The following GALNT18 variants were observed in gnomAD, a reference collection of about 807,000 sequenced individuals.
GALNT18 encodes polypeptide N-acetylgalactosaminyltransferase 18.
GALNT18 carries 44 observed loss-of-function variants against 69.5 expected under a neutral mutation model. The ratio of observed to expected loss-of-function variants is 0.63; its 90% CI spans 0.50 to 0.81. The LOEUF (loss-of-function observed/expected upper bound fraction) is 0.81, where lower values mean the gene tolerates loss of function less well. Among genes scored for constraint, GALNT18 ranks in the 40% least tolerant of loss-of-function variants. The pLI, the probability that GALNT18 is intolerant of heterozygous loss-of-function variation, is 0.00. For missense variants in GALNT18, 715 were observed against 810.0 expected (o/e 0.88, Z 1.42); for synonymous variants, 364 against 318.2 (o/e 1.14, Z -1.53).
chr11:11,450,134 G>C (rs937558150), intron 1 of GALNT18, among the ~76,000 whole-genome samples: 1 of 152,228 alleles, frequency 6.6e-6, no homozygotes, highest in African/African-American at 2.4e-5. Context: ...AGGGAAGTAA[G>C]AGATGGAGCC....
chr11:11,596,934 G>A lies in GALNT18; in HGVS notation c.235+24425C>T, dbSNP rs137923562. 6.6e-6 allele frequency among the ~76,000 whole-genome samples: 1 copy of A among 152,094 alleles called. No homozygotes were observed. The highest frequency in any genetic ancestry group is 1.5e-5 in the Non-Finnish European group (1 of 67,942). Reference sequence around the variant, plus strand: ...ACCATTAAGTATGATGTTAGTTGTGGGATTTTTTGTAGATGTTCTTCATCA... The same window carrying A: ...ACCATTAAGTATGATGTTAGTTGTGAGATTTTTTGTAGATGTTCTTCATCA... On this transcript the variant is annotated intron_variant, in intron 1 of 10. Coordinates refer to ENST00000227756, the MANE Select transcript of GALNT18 (RefSeq NM_198516.3). The surrounding 1 kb of genome is among the most constrained non-coding windows in gnomAD (Gnocchi z 4.2).
chr11:11,597,322 G>C (rs1859523517), intron 1 of GALNT18, among the ~76,000 whole-genome samples: 1 of 152,226 alleles, frequency 6.6e-6, no homozygotes, highest in African/African-American at 2.4e-5. Flanking sequence ...GTTGACAAGT[G>C]TTCCTTTTCT....
chr11:11,306,920 C>T (rs1849587187), intron 9 of GALNT18, among the ~76,000 whole-genome samples: 1 of 152,234 alleles, frequency 6.6e-6, no homozygotes, highest in East Asian at 1.9e-4. Flanking sequence ...ACCTGATGGG[C>T]ACTCGTGCAT....
intron 3 of GALNT18, among the ~76,000 whole-genome samples, chr11:11,384,072 G>T (rs1481282889): frequency 6.6e-6 from 1 of 151,966 alleles, no homozygotes; most frequent in East Asian, 1.9e-4. Flanking sequence ...TCTTTGGCAT[G>T]ACTTGATCAT....
chr11:11,475,718 G>T (rs2133860798), intron 1 of GALNT18: 1 of 152,298 alleles, frequency 6.6e-6, no homozygotes, highest in Admixed American at 6.5e-5. Flanking sequence ...TATTCGTTTT[G>T]TTTTCAGAAG....
Position 11,439,810 on chromosome 11 carries a change from G to A in GALNT18, c.429-7023C>T, listed in dbSNP as rs964407412. Among the ~76,000 whole-genome samples, 2 of 152,198 alleles carry A rather than the reference G, an allele frequency of 1.3e-5. No homozygotes were observed. The highest frequency in any genetic ancestry group is 2.9e-5 in the Non-Finnish European group (2 of 68,042). ...GACCTGATGGGAATGGAATCACTGA[G>A]TTGTACATTTACTCCCTGCCTGACT... On this transcript the variant is annotated intron_variant, in intron 2 of 10. Coordinates refer to ENST00000227756, the MANE Select transcript of GALNT18 (RefSeq NM_198516.3). The surrounding 1 kb of genome is among the most constrained non-coding windows in gnomAD (Gnocchi z 4.4).
chr11:11,313,133 G>T (rs1370677307), intron 9 of GALNT18, among the ~76,000 whole-genome samples: 10 of 152,148 alleles, frequency 6.6e-5, no homozygotes, highest in Non-Finnish European at 1.5e-4. Flanking sequence ...GGGAAGTGGG[G>T]GGCTTTGGCT....
At chr11:11,310,639 A>T (rs1216918580) in intron 9 of GALNT18, among the ~76,000 whole-genome samples, 5 of 152,154 alleles carry the variant, frequency 3.3e-5, no homozygotes, top group East Asian at 1.9e-4. Context: ...CAAGAAAAAA[A>T]CTAAAGCTGT....
chr11:11,288,473 A>C (rs1354779686), intron 10 of GALNT18, among the ~76,000 whole-genome samples: 1 of 152,128 alleles, frequency 6.6e-6, no homozygotes, highest in East Asian at 1.9e-4. Context: ...AGAACACAGC[A>C]CACCCCTCGG....
At chr11:11,369,359 C>G (rs1234806261) in intron 6 of GALNT18, among the ~76,000 whole-genome samples, 1 of 152,192 alleles carries the variant, frequency 6.6e-6, no homozygotes, top group Non-Finnish European at 1.5e-5. Context: ...TCGATAGCCC[C>G]AGGTGTTCCT....
chr11:11,610,669 A>G (rs181270125), intron 1 of GALNT18, among the ~76,000 whole-genome samples: 3 of 152,344 alleles, frequency 2.0e-5, no homozygotes, highest in Non-Finnish European at 4.4e-5. Context: ...CGAGTTGGAC[A>G]TTCTATGTCA....
At chr11:11,310,599 T>C (rs1415321715) in intron 9 of GALNT18, among the ~76,000 whole-genome samples, 2 of 152,156 alleles carry the variant, frequency 1.3e-5, no homozygotes, top group East Asian at 3.9e-4. Flanking sequence ...CTCCCATACG[T>C]GTTTCTGCAT....
At chr11:11,537,213 C>T (rs1283263560) in intron 1 of GALNT18, among the ~76,000 whole-genome samples, 1 of 113,448 alleles carries the variant, frequency 8.8e-6, no homozygotes, top group Non-Finnish European at 1.8e-5. Context: ...TAAAGTCACA[C>T]AGTTAATCGG....
Position 11,586,162 on chromosome 11 carries a change from C to T in GALNT18, c.235+35197G>A, listed in dbSNP as rs1859219486. On this transcript the variant is annotated intron_variant, in intron 1 of 10. Coordinates refer to ENST00000227756, the MANE Select transcript of GALNT18 (RefSeq NM_198516.3). This position sits in a 1 kb window ranked among gnomAD's most constrained non-coding sequence, Gnocchi z 4.1. The stretch of plus-strand genomic sequence containing the variant: ...AAATTTCTATTGTTTATAAGCCATG[C>T]CATCTAGGGTATTTTATTATAGCAG... Among the ~76,000 whole-genome samples the T allele has an allele frequency of 6.6e-6, 1 of 152,104 alleles. No homozygotes were observed. Among genetic ancestry groups the T allele is most frequent in the Non-Finnish European group, 1.5e-5 (1 of 68,034 alleles).
rs1042443688 is a variant in GALNT18, at chr11:11,372,450, AC to A, written c.1092+64del. Reference sequence around the variant, plus strand: ...CCTCAACCTTAAACCCCATTTCTCCACCCCCAGACTCATTCACCCTGGTGGG... The same window carrying A: ...CCTCAACCTTAAACCCCATTTCTCCACCCCAGACTCATTCACCCTGGTGGG... On this transcript the variant is annotated intron_variant, in intron 6 of 10. Transcript: ENST00000227756. The surrounding 1 kb of genome is among the most constrained non-coding windows in gnomAD (Gnocchi z 4.9). The A allele has an allele frequency of 7.2e-6, 9 of 1,246,458 alleles. No individual in the cohort carries two copies. Among genetic ancestry groups the A allele is most frequent in the Non-Finnish European group, 8.3e-6 (7 of 848,406 alleles). 77.2% of individuals were successfully genotyped at this position (1,246,458 alleles called of 1,614,324 possible). A position where few individuals can be genotyped will look rare whatever the true frequency, so the allele number is the denominator to read the frequency against.
At chr11:11,560,478 A>T (rs1457935005) in intron 1 of GALNT18, among the ~76,000 whole-genome samples, 1 of 152,206 alleles carries the variant, frequency 6.6e-6, no homozygotes, top group Non-Finnish European at 1.5e-5. Context: ...CAATGTCTGT[A>T]AGGCTGGGAA....
rs375158355 is a variant in GALNT18, at chr11:11,347,804, G to A, written c.1093-6800C>T. Among the ~76,000 whole-genome samples, 4 of 152,128 alleles carry A rather than the reference G, an allele frequency of 2.6e-5. No homozygotes were observed. The highest frequency in any genetic ancestry group is 7.2e-5 in the African/African-American group (3 of 41,402). ...CTCATGTGGTTAATTATCTTTTTAC[G>A]TGTAACTGTCTCGCCTAACTTGGCT... On this transcript the variant is annotated intron_variant, in intron 6 of 10. Transcript: ENST00000227756. The surrounding 1 kb of genome is among the most constrained non-coding windows in gnomAD (Gnocchi z 4.0).
At chr11:11,464,315 C>T (rs936375734) in intron 1 of GALNT18, among the ~76,000 whole-genome samples, 3 of 152,220 alleles carry the variant, frequency 2.0e-5, no homozygotes, top group East Asian at 1.9e-4. Context: ...CCGGGAGACT[C>T]GAGGTCTCCT....
At chr11:11,518,276 T>C (rs1287357201) in intron 1 of GALNT18, among the ~76,000 whole-genome samples, 1 of 152,222 alleles carries the variant, frequency 6.6e-6, no homozygotes, top group Non-Finnish European at 1.5e-5. Context: ...AAGCCAGTGA[T>C]GGGATAAGTA....
Sources: allele counts gnomAD v4.1 joint callset (sites outside exome capture counted in the v4.1 genomes callset), GRCh38; gene constraint gnomAD v4.1.1; non-coding constraint Gnocchi (gnomAD v3.1); transcripts MANE v1.5; gene names NCBI Gene and HGNC (gene_info 2026-07-23, HGNC 2026-07-21).